Variants in SGCE observed in about 807,000 individuals in gnomAD.
SGCE encodes the protein epsilon-sarcoglycan.
SGCE carries 26 observed loss-of-function variants against 57.8 expected under a neutral mutation model. That is an observed-to-expected ratio of 0.45 (90% CI 0.33 to 0.62). SGCE has a LOEUF of 0.62. SGCE is among the 20% of genes least tolerant of loss of function. The pLI, the probability that SGCE is intolerant of heterozygous loss-of-function variation, is 0.02. For missense variants in SGCE, 468 were observed against 548.6 expected, an observed-to-expected ratio of 0.85 and a Z score of 1.47; for synonymous variants, 183 against 189.5, an observed-to-expected ratio of 0.97 and a Z score of 0.28.
intron 6 of SGCE, among the ~76,000 whole-genome samples, chr7:94,601,094 T>C (rs1359011648): frequency 6.6e-6 from 1 of 152,160 alleles, no homozygotes; most frequent in Admixed American, 6.6e-5. Context: ...CATATATACA[T>C]ATACATTTAC....
rs549664435 is a variant in SGCE, at chr7:94,623,906, C to T, written c.391-509G>A. The T allele has an allele frequency of 2.8e-5, 10 of 360,240 alleles. 1 individual carries two copies. The highest frequency in any genetic ancestry group is 2.0e-4 in the East Asian group (5 of 24,968). 22.3% of individuals were successfully genotyped at this position (360,240 alleles called of 1,614,324 possible). ...CCCTTTGGAAATCATATCTCACTTA[C>T]GATGGGAGTAAAGTAGTAAGGATCA... On this transcript the variant is annotated intron_variant, in intron 3 of 10. Coordinates refer to ENST00000648936, the MANE Select transcript of SGCE (RefSeq NM_003919.3).
chr7:94,642,452 T>G (rs1806523686), intron 1 of SGCE, among the ~76,000 whole-genome samples: 1 of 151,862 alleles, frequency 6.6e-6, no homozygotes, highest in Non-Finnish European at 1.5e-5. Context: ...CGTAGGCAGC[T>G]CCCCCAAAAT....
intron 1 of SGCE, among the ~76,000 whole-genome samples, chr7:94,632,142 A>G (rs1388978873): frequency 6.6e-6 from 1 of 152,040 alleles, no homozygotes; most frequent in Non-Finnish European, 1.5e-5. Context: ...ATTATAAACT[A>G]ATAGTCTCCC....
At chr7:94,597,030 T>G (rs1798500006) in intron 9 of SGCE, among the ~76,000 whole-genome samples, 1 of 152,166 alleles carries the variant, frequency 6.6e-6, no homozygotes, top group Non-Finnish European at 1.5e-5. Context: ...TTTTACCAAT[T>G]TTTCTCATCA....
chr7:94,622,552 C>T (rs1462388409), intron 4 of SGCE: 2 of 151,682 alleles, frequency 1.3e-5, no homozygotes, highest in Admixed American at 6.6e-5. Flanking sequence ...TCACCTGAAC[C>T]CAGGAGGCGG....
chr7:94,593,909 C>T (rs1157924710), intron 9 of SGCE, among the ~76,000 whole-genome samples: 1 of 152,004 alleles, frequency 6.6e-6, no homozygotes, highest in Admixed American at 6.6e-5. Context: ...CAGGAATTCT[C>T]AATCTTTGTT....
chr7:94,617,698 T>A (rs1802138634), intron 5 of SGCE: 1 of 152,240 alleles, frequency 6.6e-6, no homozygotes, highest in Admixed American at 6.5e-5. Context: ...TTGACTGATT[T>A]CAAAATCCAT....
intron 5 of SGCE, among the ~76,000 whole-genome samples, chr7:94,611,458 C>T (rs1052652752): frequency 7.7e-6 from 1 of 129,382 alleles, no homozygotes; most frequent in African/African-American, 2.9e-5. Context: ...ATAGAGACAG[C>T]AAGTTCCTTA....
rs2116971817 is a variant in SGCE at position 94,629,705 on chromosome 7, C to T, written c.232+14G>A. On this transcript the variant is annotated intron_variant, in intron 2 of 10. Coordinates refer to ENST00000648936, the MANE Select transcript of SGCE (RefSeq NM_003919.3). ...AGTACGTTAACTGCTTTTTTTTCCTCACAAAGAACATACCAGGTTTTGGGT... is the reference window on the plus strand; with the variant it reads ...AGTACGTTAACTGCTTTTTTTTCCTTACAAAGAACATACCAGGTTTTGGGT... 1 of 1,609,956 alleles carries T rather than the reference C, an allele frequency of 6.2e-7. No individual in the cohort carries two copies. The highest frequency in any genetic ancestry group is 8.5e-7 in the Non-Finnish European group (1 of 1,177,142).
intron 9 of SGCE, among the ~76,000 whole-genome samples, chr7:94,593,002 A>G (rs1797903793): frequency 6.6e-6 from 1 of 152,138 alleles, no homozygotes; most frequent in African/African-American, 2.4e-5. Context: ...TCTCAACAGG[A>G]CACCATAATC....
At chr7:94,616,828 T>C (rs552995873) in intron 5 of SGCE, 1 of 152,334 alleles carries the variant, frequency 6.6e-6, no homozygotes, top group African/African-American at 2.4e-5. Flanking sequence ...GTAATAGAGC[T>C]GGCATTGCGT....
chr7:94,592,659 A>G (rs1026008010), intron 9 of SGCE, among the ~76,000 whole-genome samples: 1 of 152,142 alleles, frequency 6.6e-6, no homozygotes, highest in Non-Finnish European at 1.5e-5. Context: ...AAATTAATAA[A>G]TAAGTGAGTT....
At chr7:94,608,260 C>T (rs1800468300) in intron 5 of SGCE, among the ~76,000 whole-genome samples, 2 of 152,278 alleles carry the variant, frequency 1.3e-5, no homozygotes, top group South Asian at 2.1e-4. Context: ...GGGTTGAACC[C>T]AGGAGGCAGA....
intron 9 of SGCE, among the ~76,000 whole-genome samples, chr7:94,596,039 A>G (rs190311676): frequency 2.0e-4 from 30 of 152,252 alleles, no homozygotes; most frequent in Admixed American, 5.9e-4. Context: ...GAGCTTTTCC[A>G]TTAGCAGAAA....
chr7:94,624,295 T>G (rs1337585495), intron 3 of SGCE: 1 of 397,668 alleles, frequency 2.5e-6, no homozygotes, highest in East Asian at 3.6e-5. Flanking sequence ...TAAAAATAAA[T>G]ATCTTGTGCA....
chr7:94,619,903 A>C (rs1213965553), intron 4 of SGCE: 3 of 152,220 alleles, frequency 2.0e-5, no homozygotes, highest in African/African-American at 7.2e-5. Context: ...TGCATATATA[A>C]GGTGCTCAGC....
intron 1 of SGCE, among the ~76,000 whole-genome samples, chr7:94,645,520 G>C (rs1806932532): frequency 6.6e-6 from 1 of 152,134 alleles, no homozygotes; most frequent in Admixed American, 6.5e-5. Context: ...GTTACAGCAA[G>C]GCTTTAAATG....
chr7:94,598,880 G>T lies in SGCE; in HGVS notation c.1148C>A (p.Pro383His). The part of the protein sequence containing the change: ...DMSKNREIAW[P>H]LSTLPVFHPV... ...GTGGAACACAGGAAGCGTTGACAGG[G>T]GCCATGCTATCTCTCTATTCTTGGA... Residue 383 changes from proline to histidine, a missense_variant, in exon 9 of 11, where the codon CCC (proline) becomes CAC (histidine). Physicochemically the swap from Pro to His is moderately conservative, Grantham distance 77 (BLOSUM62 -2). Transcript: ENST00000648936. 2 of 1,613,168 alleles carry T rather than the reference G, an allele frequency of 1.2e-6. No individual in the cohort carries two copies. The highest frequency in any genetic ancestry group is 1.7e-6 in the Non-Finnish European group (2 of 1,179,238).
At chr7:94,635,485 T>A (rs1805485565) in intron 1 of SGCE, among the ~76,000 whole-genome samples, 1 of 152,178 alleles carries the variant, frequency 6.6e-6, no homozygotes, top group Admixed American at 6.5e-5. Context: ...ATACTTCTCG[T>A]CTCATATTTT....
Sources: allele counts gnomAD v4.1 joint callset (sites outside exome capture counted in the v4.1 genomes callset), GRCh38; gene constraint gnomAD v4.1.1; transcripts MANE v1.5; gene names NCBI Gene and HGNC (gene_info 2026-07-23, HGNC 2026-07-21).